Variants in FRMD5 observed in about 807,000 individuals in gnomAD.
FRMD5 encodes the protein FERM domain containing 5, also known as FERM domain-containing protein 5.
A neutral mutation model predicts 69.0 loss-of-function variants in FRMD5; 20 were observed. That is an observed-to-expected ratio of 0.29 (90% CI 0.20 to 0.42). The LOEUF is 0.42. Ranked by LOEUF, FRMD5 falls within the 10% of genes least tolerant of loss-of-function variation. The pLI is 1.00. For missense variants in FRMD5, 595 were observed against 708.6 expected, an observed-to-expected ratio of 0.84 and a Z score of 1.82; for synonymous variants, 271 against 260.1, an observed-to-expected ratio of 1.04 and a Z score of -0.40.
chr15:44,111,919 C>T (rs1176692783), intron 1 of FRMD5, among the ~76,000 whole-genome samples: 1 of 151,952 alleles, frequency 6.6e-6, no homozygotes, highest in African/African-American at 2.4e-5. Flanking sequence ...GGCACCACCT[C>T]GGCAACCTCC....
intron 1 of FRMD5, among the ~76,000 whole-genome samples, chr15:43,933,175 C>G (rs916189813): frequency 6.6e-6 from 1 of 152,104 alleles, no homozygotes; most frequent in African/African-American, 2.4e-5. Flanking sequence ...GTACAAATAC[C>G]GAGGCCTAGG....
At chr15:43,974,358 C>CT (rs1430849217) in intron 1 of FRMD5, among the ~76,000 whole-genome samples, 1 of 152,128 alleles carries the variant, frequency 6.6e-6, no homozygotes, top group Non-Finnish European at 1.5e-5. Flanking sequence ...GTGTCTTTCC[C>CT]TTTTTGGACT....
intron 1 of FRMD5, among the ~76,000 whole-genome samples, chr15:44,115,798 G>GA (rs1386644265): frequency 6.6e-6 from 1 of 152,166 alleles, no homozygotes; most frequent in Admixed American, 6.5e-5. Flanking sequence ...ACATTTGTAG[G>GA]AAAAAACTGC....
At chr15:44,117,154 TA>T (rs1288147767) in intron 1 of FRMD5, among the ~76,000 whole-genome samples, 2 of 151,874 alleles carry the variant, frequency 1.3e-5, no homozygotes, top group African/African-American at 2.4e-5. Flanking sequence ...AAGAGATAGC[TA>T]AAATGTATTT....
chr15:44,194,742 C>T, intron 1 of FRMD5: 1 of 655,694 alleles, frequency 1.5e-6, no homozygotes, highest in Non-Finnish European at 2.7e-6. Flanking sequence ...GAGACTCGCC[C>T]CGCGGCGGCG....
chr15:44,028,479 C>A (rs560849676), intron 1 of FRMD5, among the ~76,000 whole-genome samples: 2 of 152,246 alleles, frequency 1.3e-5, no homozygotes, highest in Admixed American at 1.3e-4. Context: ...AAGATCAACT[C>A]TCAGGCAGCC....
At chr15:43,971,536 T>C (rs1297654826) in intron 1 of FRMD5, among the ~76,000 whole-genome samples, 2 of 147,772 alleles carry the variant, frequency 1.4e-5, no homozygotes, top group African/African-American at 2.5e-5. Context: ...ATACAAAAGT[T>C]AGCCAGGCAT....
chr15:44,192,639 A>G (rs1271604539), intron 1 of FRMD5, among the ~76,000 whole-genome samples: 1 of 152,222 alleles, frequency 6.6e-6, no homozygotes, highest in African/African-American at 2.4e-5. Context: ...AGCTGATAAG[A>G]AAAGCTCAAT....
chr15:44,063,646 A>G (rs1171933723), intron 1 of FRMD5: 2 of 461,362 alleles, frequency 4.3e-6, no homozygotes, highest in Non-Finnish European at 8.3e-6. Flanking sequence ...CATGGTCTAC[A>G]TGTTCTAGTA....
intron 1 of FRMD5, among the ~76,000 whole-genome samples, chr15:44,057,386 G>A (rs999802716): frequency 5.9e-5 from 9 of 151,906 alleles, no homozygotes; most frequent in Non-Finnish European, 1.0e-4. Flanking sequence ...GATTACTGGC[G>A]TGAGCCACCA....
intron 1 of FRMD5, among the ~76,000 whole-genome samples, chr15:43,933,946 A>G (rs2089717713): frequency 6.6e-6 from 1 of 152,190 alleles, no homozygotes; most frequent in East Asian, 1.9e-4. Flanking sequence ...AGTGACAGGG[A>G]GTCTGTTCCA....
At chr15:43,932,069 AC>A (rs2089685073) in intron 1 of FRMD5, among the ~76,000 whole-genome samples, 1 of 152,182 alleles carries the variant, frequency 6.6e-6, no homozygotes, top group Non-Finnish European at 1.5e-5. Context: ...AGTTAATCTT[AC>A]ATCTAAGGAT....
In FRMD5 at chr15:43,875,850, T is replaced by C. The variant is rs2088338499; in HGVS notation, c.1136-1388A>G. The stretch of plus-strand genomic sequence containing the variant: ...TTTCTTTCAGTCTTTCATATGATTT[T>C]ATTTTCTTCCTTCAACCATAATAAT... On this transcript the variant is annotated intron_variant, in intron 13 of 13. Coordinates refer to ENST00000417257, the MANE Select transcript of FRMD5 (RefSeq NM_032892.5). 3 of 626,496 alleles carry C rather than the reference T, an allele frequency of 4.8e-6. No individual in the cohort carries two copies. The East Asian group carries it at 8.7e-5, about 18-fold the overall frequency. The allele number at this position is 626,496 out of a possible 1,614,324, so 38.8% of individuals were successfully genotyped here.
intron 1 of FRMD5, among the ~76,000 whole-genome samples, chr15:43,983,879 T>G (rs1000719229): frequency 6.6e-6 from 1 of 152,162 alleles, no homozygotes; most frequent in Non-Finnish European, 1.5e-5. Flanking sequence ...AGGCAGCAAG[T>G]GCTAGAGAAA....
At chr15:43,911,088 C>A (rs7165727) in intron 4 of FRMD5, among the ~76,000 whole-genome samples, 1 of 152,204 alleles carries the variant, frequency 6.6e-6, no homozygotes, top group Non-Finnish European at 1.5e-5. Context: ...GTCTTTATTG[C>A]TCTTCTTAGA....
chr15:44,054,234 T>C (rs937413380), intron 1 of FRMD5, among the ~76,000 whole-genome samples: 1 of 152,224 alleles, frequency 6.6e-6, no homozygotes, highest in East Asian at 1.9e-4. Context: ...TATTTCATTT[T>C]CCTAATCATT....
chr15:44,001,528 TG>T (rs1323555315), intron 1 of FRMD5, among the ~76,000 whole-genome samples: 1 of 152,124 alleles, frequency 6.6e-6, no homozygotes. Flanking sequence ...AGGATTTTTA[TG>T]GTTTCAGGTC....
chr15:43,943,744 A>C (rs912350712), intron 1 of FRMD5, among the ~76,000 whole-genome samples: 1 of 152,258 alleles, frequency 6.6e-6, no homozygotes, highest in African/African-American at 2.4e-5. Context: ...GAAGCAAGGA[A>C]GAATTCTTCC....
At chr15:44,045,377 C>T (rs1407999783) in intron 1 of FRMD5, among the ~76,000 whole-genome samples, 4 of 152,064 alleles carry the variant, frequency 2.6e-5, no homozygotes, top group Admixed American at 6.6e-5. Context: ...TCTTTTCTAA[C>T]GAAAGAGAAA....
Sources: gnomAD v4.1 joint callset for allele counts (sites outside exome capture counted in the v4.1 genomes callset) on GRCh38, gnomAD v4.1.1 for gene constraint, MANE v1.5 for transcripts, NCBI Gene and HGNC (gene_info 2026-07-23, HGNC 2026-07-21) for gene names.